Variants in VGLL4 observed in about 807,000 individuals in gnomAD.
VGLL4 encodes the protein transcription cofactor vestigial-like protein 4.
Under a neutral mutation model 21.0 loss-of-function variants are expected in VGLL4, and 7 were observed. That is an observed-to-expected ratio of 0.33 (90% CI 0.19 to 0.63). The LOEUF (loss-of-function observed/expected upper bound fraction) is 0.63. VGLL4 is among the 20% of genes least tolerant of loss of function. The pLI is 0.78. For synonymous variants in VGLL4, 222 were observed against 173.2 expected (o/e 1.28, Z -2.21); for missense variants, 394 against 425.7 (o/e 0.93, Z 0.66).
At chr3:11,573,376 AAAGAAAGAAAG>A (rs1559870726) in intron 2 of VGLL4, among the ~76,000 whole-genome samples, 3 of 146,312 alleles carry the variant, frequency 2.1e-5, no homozygotes, top group African/African-American at 7.8e-5. Flanking sequence ...AGAAAGAAAG[AAAGAAAGAAAG>A]AAAGAAAGAA....
Position 11,558,423 on chromosome 3 carries a change from A to G in VGLL4, c.*133T>C. On this transcript the variant is annotated 3_prime_UTR_variant, in exon 5 of 5. Transcript: ENST00000430365. Reference sequence around the variant, plus strand: ...AAAACAGAACACAAATCCCAACAACATGGTTTTTGCAAATAAACCATCCCT... The same window carrying G: ...AAAACAGAACACAAATCCCAACAACGTGGTTTTTGCAAATAAACCATCCCT... The G allele has an allele frequency of 1.5e-6, 2 of 1,368,840 alleles. No individual in the cohort carries two copies. Among genetic ancestry groups the G allele is most frequent in the Non-Finnish European group, 1.9e-6 (2 of 1,034,678 alleles). The allele number at this position is 1,368,840 out of a possible 1,614,324, so 84.8% of individuals were successfully genotyped here.
intron 2 of VGLL4, among the ~76,000 whole-genome samples, chr3:11,581,724 C>A (rs1373202825): frequency 1.3e-5 from 2 of 152,224 alleles, no homozygotes; most frequent in East Asian, 3.9e-4. Flanking sequence ...TAGCTGAGGT[C>A]AAACCCTCCA....
rs1231413029 is a variant in VGLL4, at chr3:11,564,819, A to G, written c.473T>C (p.Leu158Pro). ...CACCTGCTGCCGCTCCCCCGGGGTCAGTGTGGGCGAGAGGCCGGCTGGCCT... is the reference window on the plus strand; with the variant it reads ...CACCTGCTGCCGCTCCCCCGGGGTCGGTGTGGGCGAGAGGCCGGCTGGCCT... ...ASRPAGLSPT[L>P]TPGERQQNRP... Residue 158 changes from leucine to proline, a missense_variant, in exon 3 of 5, where the codon CTG becomes CCG. By Grantham distance (98) the Leu-to-Pro change is moderately conservative. Transcript: ENST00000430365. 2 of 1,580,510 alleles carry G rather than the reference A, an allele frequency of 1.3e-6. No individual in the cohort carries two copies. Among genetic ancestry groups the G allele is most frequent in the South Asian group, 1.1e-5 (1 of 87,790 alleles).
At chr3:11,562,047 A>C (rs1378098398) in intron 3 of VGLL4, among the ~76,000 whole-genome samples, 1 of 151,838 alleles carries the variant, frequency 6.6e-6, no homozygotes, top group African/African-American at 2.4e-5. Flanking sequence ...ACAGGCACCC[A>C]CCACCACGCC....
intron 2 of VGLL4, among the ~76,000 whole-genome samples, chr3:11,597,129 A>C (rs980167571): frequency 6.6e-6 from 1 of 152,166 alleles, no homozygotes; most frequent in African/African-American, 2.4e-5. Context: ...CAATTCATTC[A>C]GTAAGACAGG....
chr3:11,695,252 C>G (rs1267563718), intron 2 of VGLL4, among the ~76,000 whole-genome samples: 1 of 151,812 alleles, frequency 6.6e-6, no homozygotes. Context: ...GTTTCACCAT[C>G]TTGGCCAGGC....
intron 2 of VGLL4, among the ~76,000 whole-genome samples, chr3:11,579,646 A>T (rs1021517817): frequency 5.9e-5 from 9 of 152,092 alleles, no homozygotes; most frequent in African/African-American, 2.2e-4. Flanking sequence ...CTCTTCCCCC[A>T]AACTCGTGAG....
At chr3:11,590,736 G>A (rs908472121) in intron 2 of VGLL4, among the ~76,000 whole-genome samples, 4 of 150,312 alleles carry the variant, frequency 2.7e-5, no homozygotes, top group Non-Finnish European at 5.9e-5. Flanking sequence ...ACAGCAAAAT[G>A]GAGAGAGAGC....
At chr3:11,644,869 G>GA (rs1367602964), upstream of VGLL4, among the ~76,000 whole-genome samples, 1 of 145,830 alleles carries the variant, frequency 6.9e-6, no homozygotes, top group Admixed American at 6.8e-5. Flanking sequence ...AAAAAGAAAA[G>GA]AAAAAAAGGA....
At chr3:11,708,187 C>A (rs1225429302) in intron 1 of VGLL4, among the ~76,000 whole-genome samples, 1 of 152,106 alleles carries the variant, frequency 6.6e-6, no homozygotes, top group Non-Finnish European at 1.5e-5. Context: ...AGTGAATGGG[C>A]CTTATAGGTA....
intron 1 of VGLL4, among the ~76,000 whole-genome samples, chr3:11,637,865 G>A (rs796451716): frequency 6.6e-5 from 10 of 152,168 alleles, no homozygotes; most frequent in African/African-American, 2.2e-4. Flanking sequence ...AATAAAAGAC[G>A]GAGAGAAAAC....
At position 11,615,684 on chromosome 3, in the gene VGLL4, C is replaced by T. The variant is rs527256983; in HGVS notation, c.83-13662G>A. ...CTGTTTTTCTATTATTTTTATTTCC[C>T]ATACTCATTTATTACACACCTTTAA... On this transcript the variant is annotated intron_variant, in intron 1 of 4. Coordinates refer to ENST00000430365, the MANE Select transcript of VGLL4 (RefSeq NM_001128219.3). Among the ~76,000 whole-genome samples the T allele has an allele frequency of 2.6e-5, 4 of 152,252 alleles. No individual in the cohort carries two copies. The South Asian group carries it at 8.3e-4, about 32-fold the overall frequency.
intron 2 of VGLL4, among the ~76,000 whole-genome samples, chr3:11,573,299 GAAAGAAAGGAAGGAAGGAAGAAAGAAAGA>G (rs2073890629): frequency 5.9e-5 from 1 of 16,964 alleles, no homozygotes; most frequent in African/African-American, 4.4e-4. Context: ...AAGAAAGAAA[GAAAGAAAGGAAGGAAGGAAGAAAGAAAGA>G]AAGAAAGAAA....
rs2075900687 is a variant in VGLL4 at position 11,653,082 on chromosome 3, T to C, written c.64+49889A>G. On this transcript the variant is annotated intron_variant, in intron 2 of 5. Coordinates refer to the VGLL4 transcript ENST00000273038. The surrounding 1 kb of genome is among the most constrained non-coding windows in gnomAD (Gnocchi z 4.2). ...GAAAATGTCCCAAATATTCAACAACTGAAGGGCTAAGTTCGCTGCTAGCCC... is the reference window on the plus strand; with the variant it reads ...GAAAATGTCCCAAATATTCAACAACCGAAGGGCTAAGTTCGCTGCTAGCCC... 6.6e-6 allele frequency among the ~76,000 whole-genome samples: 1 copy of C among 152,224 alleles called. No individual in the cohort carries two copies. Among genetic ancestry groups the C allele is most frequent in the Non-Finnish European group, 1.5e-5 (1 of 68,038 alleles).
chr3:11,717,030 C>T (rs1016940735), intron 1 of VGLL4, among the ~76,000 whole-genome samples: 6 of 152,230 alleles, frequency 3.9e-5, no homozygotes, highest in South Asian at 4.2e-4. Context: ...TCATCTCACA[C>T]AAGCAATAAG....
chr3:11,578,598 A>C (rs1379713766), intron 2 of VGLL4, among the ~76,000 whole-genome samples: 3 of 137,960 alleles, frequency 2.2e-5, no homozygotes, highest in South Asian at 2.2e-4. Context: ...GAAACTCTGC[A>C]AAAAAAAAAA....
intron 2 of VGLL4, among the ~76,000 whole-genome samples, chr3:11,600,452 G>C (rs73025165): frequency 0.039 from 5,871 of 152,182 alleles, 151 homozygotes; most frequent in Non-Finnish European, 0.062. Context: ...GGGAATAAAA[G>C]AATGAACTGC....
upstream of VGLL4, among the ~76,000 whole-genome samples, chr3:11,721,463 AG>A (rs1438256920): frequency 1.3e-5 from 2 of 152,234 alleles, no homozygotes; most frequent in Admixed American, 1.3e-4. Context: ...CCAACTTACA[AG>A]TCAACCTAGG....
At chr3:11,628,591 C>A (rs62245780) in intron 1 of VGLL4, among the ~76,000 whole-genome samples, 6 of 151,850 alleles carry the variant, frequency 4.0e-5, no homozygotes, top group African/African-American at 1.2e-4. Context: ...GAGGCCAAGG[C>A]GGGCGGATCA....
Sources: gnomAD v4.1 joint callset for allele counts (sites outside exome capture counted in the v4.1 genomes callset) on GRCh38, gnomAD v4.1.1 for gene constraint, Gnocchi (gnomAD v3.1) non-coding constraint, MANE v1.5 for transcripts, NCBI Gene and HGNC (gene_info 2026-07-23, HGNC 2026-07-21) for gene names.